The following CHSY1 variants were observed in gnomAD, a reference collection of about 807,000 sequenced individuals.
CHSY1 encodes N-acetylgalactosaminyl-proteoglycan 3-beta-glucuronosyltransferase 1.
A neutral mutation model predicts 59.8 loss-of-function variants in CHSY1; 13 were observed. The ratio of observed to expected loss-of-function variants is 0.22; its 90% CI spans 0.14 to 0.35. The LOEUF (loss-of-function observed/expected upper bound fraction) is 0.35, where lower values mean the gene tolerates loss of function less well. Ranked by LOEUF, CHSY1 falls within the 10% of genes least tolerant of loss-of-function variation. CHSY1 has a pLI of 1.00. For synonymous variants in CHSY1, 459 were observed against 401.2 expected, an observed-to-expected ratio of 1.14 and a Z score of -1.72; for missense variants, 947 against 1,030.6, an observed-to-expected ratio of 0.92 and a Z score of 1.11.
At chr15:101,230,776 C>A in intron 2 of CHSY1, among the ~76,000 whole-genome samples, 1 of 152,150 alleles carries the variant, frequency 6.6e-6, no homozygotes, top group Non-Finnish European at 1.5e-5. Context: ...TATTTAAAAT[C>A]AGTATCACAG....
chr15:101,204,827 C>G (rs1285648794), intron 2 of CHSY1, among the ~76,000 whole-genome samples: 1 of 152,162 alleles, frequency 6.6e-6, no homozygotes, highest in Non-Finnish European at 1.5e-5. Context: ...ATTGCTTGAA[C>G]CCAGGAGCCG....
At chr15:101,180,295 C>T (rs954593637) in intron 2 of CHSY1, among the ~76,000 whole-genome samples, 6 of 152,166 alleles carry the variant, frequency 3.9e-5, no homozygotes, top group African/African-American at 7.2e-5. Context: ...CCCGTGAGTC[C>T]GGTCTTAGAG....
chr15:101,214,945 T>C (rs1308228301), intron 2 of CHSY1, among the ~76,000 whole-genome samples: 3 of 152,240 alleles, frequency 2.0e-5, no homozygotes, highest in Non-Finnish European at 4.4e-5. Context: ...CTTGGTGCTG[T>C]TCTCTTGACA....
At chr15:101,233,985 T>C (rs546850976) in intron 2 of CHSY1, among the ~76,000 whole-genome samples, 43 of 152,216 alleles carry the variant, frequency 2.8e-4, no homozygotes, top group Non-Finnish European at 5.4e-4. Flanking sequence ...TCCTCACAAC[T>C]GCCAGGAGTT....
At chr15:101,198,906 G>A (rs1477018497) in intron 2 of CHSY1, among the ~76,000 whole-genome samples, 1 of 152,192 alleles carries the variant, frequency 6.6e-6, no homozygotes, top group Non-Finnish European at 1.5e-5. Context: ...CCTTTACACA[G>A]CACAAAGAGT....
At chr15:101,186,452 A>G (rs1283407540) in intron 2 of CHSY1, among the ~76,000 whole-genome samples, 2 of 152,218 alleles carry the variant, frequency 1.3e-5, no homozygotes, top group African/African-American at 2.4e-5. Flanking sequence ...TTCAAGAATA[A>G]AGCTGTAAGA....
intron 2 of CHSY1, among the ~76,000 whole-genome samples, chr15:101,193,433 T>C (rs1194200361): frequency 6.6e-6 from 1 of 152,188 alleles, no homozygotes; most frequent in Non-Finnish European, 1.5e-5. Context: ...TACGCTGTGC[T>C]CTTTCAGAAC....
chr15:101,219,019 C>A (rs1327403801), intron 2 of CHSY1, among the ~76,000 whole-genome samples: 1 of 152,088 alleles, frequency 6.6e-6, no homozygotes, highest in African/African-American at 2.4e-5. Flanking sequence ...AGTCGGCCTG[C>A]CTGGATTAAA....
rs533246402 is a variant in CHSY1 at position 101,208,375 on chromosome 15, T to A, written c.816+26707A>T. On this transcript the variant is annotated intron_variant, in intron 2 of 2. Transcript: ENST00000254190. ...AAAATAACAGCCTGAAACATCTTAG[T>A]ATGCCAGAAAGAAATTGCTCAAACA... 5.3e-5 allele frequency among the ~76,000 whole-genome samples: 8 copies of A among 152,056 alleles called. No individual in the cohort carries two copies. The South Asian group carries it at 1.5e-3, about 28-fold the overall frequency.
rs554019822 is a variant in CHSY1 at position 101,242,067 on chromosome 15, T to C, written c.321-6490A>G. ...TATTATTGTTATTTTCTATTGTTTT[T>C]CCCCCCAAATATTTTCAATCCATGG... On this transcript the variant is annotated intron_variant, in intron 1 of 2. Transcript: ENST00000254190. Among the ~76,000 whole-genome samples, 28 of 152,270 alleles carry C rather than the reference T, an allele frequency of 1.8e-4. No homozygotes were observed. The South Asian group carries it at 2.9e-3, about 16-fold the overall frequency.
chr15:101,177,452 A>G lies in CHSY1; in HGVS notation c.2345T>C (p.Leu782Pro). The change falls in exon 3 of 3, where the codon CTG becomes CCG. Residue 782 changes from leucine to proline, a missense_variant. By Grantham distance (98) the Leu-to-Pro change is moderately conservative (BLOSUM62 -3). Coordinates refer to ENST00000254190, the MANE Select transcript of CHSY1 (RefSeq NM_014918.5). Reference protein sequence around the residue: ...GSTQQLAEMWLEKNDPSYSKS... With the variant: ...GSTQQLAEMWPEKNDPSYSKS... ...ACTGTAACTTGGATCATTTTTTTCC[A>G]GCCACATCTCAGCCAGCTGCTGGGT... 8 of 1,612,526 alleles carry G rather than the reference A, an allele frequency of 5.0e-6. No homozygotes were observed. Among genetic ancestry groups the G allele is most frequent in the Non-Finnish European group, 6.8e-6 (8 of 1,179,538 alleles).
intron 2 of CHSY1, among the ~76,000 whole-genome samples, chr15:101,201,447 C>T (rs922650202): frequency 3.9e-5 from 6 of 152,164 alleles, no homozygotes; most frequent in Admixed American, 3.9e-4. Context: ...AGAAAGATGC[C>T]TAAGAACAAG....
At chr15:101,197,557 A>G (rs948457218) in intron 2 of CHSY1, among the ~76,000 whole-genome samples, 1 of 152,242 alleles carries the variant, frequency 6.6e-6, no homozygotes, top group African/African-American at 2.4e-5. Flanking sequence ...GGAGAGACAA[A>G]TTCAGGGCAA....
chr15:101,211,178 G>A (rs1206045029), intron 2 of CHSY1, among the ~76,000 whole-genome samples: 2 of 152,122 alleles, frequency 1.3e-5, no homozygotes, highest in African/African-American at 4.8e-5. Flanking sequence ...ACAAAAATTA[G>A]CCGGGCGTGG....
At chr15:101,226,227 T>C (rs6598437) in intron 2 of CHSY1, among the ~76,000 whole-genome samples, 57,499 of 152,108 alleles carry the variant, frequency 0.38, 14,774 homozygotes, top group African/African-American at 0.74. Context: ...GAATGAGTTC[T>C]GAAGGGCTTT....
rs560163007 is a variant in CHSY1, at chr15:101,245,007, G to T, written c.320+6130C>A. 1.5e-4 allele frequency among the ~76,000 whole-genome samples: 23 copies of T among 152,260 alleles called. No individual in the cohort carries two copies. In the South Asian group the frequency reaches 4.8e-3, roughly 32 times the overall value. ...ACTTCTTGATAAATGCTACCCAAGC[G>T]TCCCTCAACAGGTACCGGTCCTGTC... On this transcript the variant is annotated intron_variant, in intron 1 of 2. Transcript: ENST00000254190.
chr15:101,184,099 G>A (rs918559555), intron 2 of CHSY1, among the ~76,000 whole-genome samples: 10 of 152,194 alleles, frequency 6.6e-5, no homozygotes, highest in African/African-American at 2.2e-4. Context: ...GGGCCCCCAC[G>A]GGAGGCCTCT....
In CHSY1 at chr15:101,177,647, C is replaced by T; in HGVS notation, c.2150G>A (p.Gly717Glu). 1 of 1,614,166 alleles carries T rather than the reference C, an allele frequency of 6.2e-7. No individual in the cohort carries two copies. Reference sequence around the variant, plus strand: ...GTTGAAAAGGTCCACATCCTCCAGCCCCCAGCCTTGGATGGAAACATCAAA... The same window carrying T: ...GTTGAAAAGGTCCACATCCTCCAGCTCCCAGCCTTGGATGGAAACATCAAA... ...GGFDVSIQGW[G>E]LEDVDLFNKV... Residue 717 changes from glycine to glutamate, a missense_variant, in exon 3 of 3, where the codon GGG becomes GAG. Gly to Glu is a moderately conservative substitution (Grantham distance 98, BLOSUM62 -2). This residue lies in a region of CHSY1 where 602 missense variants were observed against 676.9 expected (regional missense o/e 0.89). Coordinates refer to ENST00000254190, the MANE Select transcript of CHSY1 (RefSeq NM_014918.5).
rs774947799 is a variant in CHSY1 at position 101,235,107 on chromosome 15, C to A, written c.791G>T (p.Gly264Val). Residue 264 changes from glycine (G) to valine (V), a missense_variant, in exon 2 of 3, where the codon GGG becomes GTG. Coordinates refer to ENST00000254190, the MANE Select transcript of CHSY1 (RefSeq NM_014918.5). ...CTCATAAGACCAGACACACTGCACC[C>A]CTGCAAACCTCCGGACACACCTTCC... is the stretch of plus-strand genomic sequence containing the variant. ...EVGRCVRRFA[G>V]VQCVWSYEMQ... 8 of 1,613,864 alleles carry A rather than the reference C, an allele frequency of 5.0e-6. No homozygotes were observed. The Admixed American group carries it at 1.3e-4, about 27-fold the overall frequency.
Sources: gnomAD v4.1 joint callset for allele counts (sites outside exome capture counted in the v4.1 genomes callset) on GRCh38, gnomAD v4.1.1 for gene constraint, gnomAD v4.1.1 regional missense constraint, MANE v1.5 for transcripts, NCBI Gene and HGNC (gene_info 2026-07-23, HGNC 2026-07-21) for gene names.